The following TTBK2 variants were observed in gnomAD, a reference collection of about 807,000 sequenced individuals.
TTBK2 encodes the protein tau-tubulin kinase 2.
In TTBK2, 28 loss-of-function variants were observed where a neutral mutation model predicts 110.8. That is an observed-to-expected ratio of 0.25 (90% confidence interval 0.19 to 0.35). The LOEUF (loss-of-function observed/expected upper bound fraction) is 0.35. Among genes scored for constraint, TTBK2 ranks in the 10% least tolerant of loss-of-function variants. TTBK2 has a pLI of 1.00. For synonymous variants in TTBK2, 532 were observed against 527.3 expected (o/e 1.01, Z -0.12); for missense variants, 1,369 against 1,500.3 (o/e 0.91, Z 1.45).
At chr15:42,858,570 A>C (rs1894033638) in intron 3 of TTBK2, among the ~76,000 whole-genome samples, 1 of 152,200 alleles carries the variant, frequency 6.6e-6, no homozygotes, top group Non-Finnish European at 1.5e-5. Flanking sequence ...CAGTTCCACA[A>C]GTGAGGAACA....
At chr15:42,786,777 A>G (rs1047131642) in intron 10 of TTBK2, among the ~76,000 whole-genome samples, 15 of 150,360 alleles carry the variant, frequency 1.0e-4, no homozygotes, top group Non-Finnish European at 1.5e-4. Flanking sequence ...CTCCCTCTGC[A>G]TTTATTCTCC....
chr15:42,911,977 C>T (rs2030781369), intron 1 of TTBK2, among the ~76,000 whole-genome samples: 1 of 152,120 alleles, frequency 6.6e-6, no homozygotes, highest in Non-Finnish European at 1.5e-5. Context: ...CACACACACA[C>T]ACACACACAA....
intron 3 of TTBK2, among the ~76,000 whole-genome samples, chr15:42,868,032 C>G (rs1190736273): frequency 1.3e-5 from 2 of 151,912 alleles, no homozygotes; most frequent in East Asian, 3.9e-4. Context: ...GTGAAAGAAG[C>G]CAATAGTGTA....
intron 3 of TTBK2, among the ~76,000 whole-genome samples, chr15:42,867,746 G>T (rs1446648406): frequency 6.6e-6 from 1 of 152,180 alleles, no homozygotes; most frequent in African/African-American, 2.4e-5. Flanking sequence ...AACGCAAAAT[G>T]ATACAGCCAC....
chr15:42,807,882 G>T lies in TTBK2; in HGVS notation c.822+2732C>A, dbSNP rs16957182. 4.5e-3 allele frequency among the ~76,000 whole-genome samples: 685 copies of T among 152,094 alleles called. 8 individuals are homozygous for T. The highest frequency in any genetic ancestry group is 0.016 in the African/African-American group (659 of 41,482). On this transcript the variant is annotated intron_variant, in intron 9 of 14. Coordinates refer to ENST00000267890, the MANE Select transcript of TTBK2 (RefSeq NM_173500.4). ...AAAACATTATTTATGCACTTATAGG[G>T]TTAATTTTTCTTGTATTCTCTGTGT...
At chr15:42,747,656 G>A (rs1403315181) in intron 14 of TTBK2, among the ~76,000 whole-genome samples, 1 of 152,220 alleles carries the variant, frequency 6.6e-6, no homozygotes, top group Non-Finnish European at 1.5e-5. Flanking sequence ...AATGCCTCCT[G>A]CCGTGCAGCC....
chr15:42,789,512 T>A (rs1890554151), intron 10 of TTBK2, among the ~76,000 whole-genome samples: 1 of 152,072 alleles, frequency 6.6e-6, no homozygotes. Context: ...GGCAGGTGGA[T>A]CACCTGAGGT....
chr15:42,920,390 G>C (rs561002851), intron 1 of TTBK2, 48 bp downstream of exon 1: 1 of 152,604 alleles, frequency 6.6e-6, no homozygotes, highest in South Asian at 2.1e-4. Flanking sequence ...GGAGGGGGTC[G>C]AGACTGGGGG....
At chr15:42,778,029 AAGAG>A (rs1166984814) in intron 11 of TTBK2, among the ~76,000 whole-genome samples, 4 of 152,138 alleles carry the variant, frequency 2.6e-5, no homozygotes, top group African/African-American at 4.8e-5. Context: ...CAAAAAAAAA[AAGAG>A]AGAGAATCAA....
rs566648466 is a variant in TTBK2 at position 42,899,885 on chromosome 15, A to C, written c.-68+20553T>G. The stretch of plus-strand genomic sequence containing the variant: ...CCACTGCACTCCAGCCTGGGCAACA[A>C]GAGCGAAACTCCATCTCAAGAAAAA... On this transcript the variant is annotated intron_variant, in intron 1 of 14. Transcript: ENST00000267890. Among the ~76,000 whole-genome samples, 19 of 151,672 alleles carry C rather than the reference A, an allele frequency of 1.3e-4. No individual in the cohort carries two copies. In the East Asian group the frequency reaches 3.5e-3, roughly 28 times the overall value.
In TTBK2 at chr15:42,848,593, C is replaced by T. The variant is rs181029270; in HGVS notation, c.218-8160G>A. 5.8e-3 allele frequency among the ~76,000 whole-genome samples: 874 copies of T among 151,956 alleles called. 4 individuals are homozygous for T. The highest frequency in any genetic ancestry group is 9.5e-3 in the Non-Finnish European group (645 of 67,970). On this transcript the variant is annotated intron_variant, in intron 3 of 14. Transcript: ENST00000267890. ...GCAACCTCCACCTCCCGGGTTAAAG[C>T]GATTATCCTGCCTCAGCCTCCCAGG...
intron 1 of TTBK2, among the ~76,000 whole-genome samples, chr15:42,892,527 C>T (rs1895498882): frequency 6.6e-6 from 1 of 150,912 alleles, no homozygotes; most frequent in Non-Finnish European, 1.5e-5. Flanking sequence ...AGCAACATGG[C>T]AAGACACTGT....
intron 1 of TTBK2, among the ~76,000 whole-genome samples, chr15:42,907,303 T>C (rs147767259): frequency 1.3e-5 from 2 of 152,290 alleles, no homozygotes; most frequent in African/African-American, 2.4e-5. Context: ...AGAACTTCCA[T>C]ATTATCCAGC....
chr15:42,900,694 C>T (rs2029940241), intron 1 of TTBK2, among the ~76,000 whole-genome samples: 1 of 151,952 alleles, frequency 6.6e-6, no homozygotes, highest in African/African-American at 2.4e-5. Flanking sequence ...CACAGCACTC[C>T]ATGGGAAACA....
At chr15:42,797,793 G>A (rs762830518) in intron 9 of TTBK2, among the ~76,000 whole-genome samples, 8 of 152,138 alleles carry the variant, frequency 5.3e-5, no homozygotes, top group Non-Finnish European at 1.2e-4. Flanking sequence ...TATATGTAGT[G>A]TGTGAATACA....
chr15:42,744,672 A>G lies in TTBK2; in HGVS notation c.*1123T>C, dbSNP rs1231356960. On this transcript the variant is annotated 3_prime_UTR_variant, in exon 15 of 15. Coordinates refer to ENST00000267890, the MANE Select transcript of TTBK2 (RefSeq NM_173500.4). ...ACACAGGAGAAGCAGGTAATAAAAC[A>G]TTAAAAAAGAAATATTTGCCTAAAT... 6.6e-6 allele frequency: 1 copy of G among 152,234 alleles called. No homozygotes were observed. The highest frequency in any genetic ancestry group is 1.9e-4 in the East Asian group (1 of 5,206). The allele number at this position is 152,234 out of a possible 1,614,324, so 9.4% of individuals were successfully genotyped here. A position where few individuals can be genotyped will look rare whatever the true frequency, so the allele number is the denominator to read the frequency against.
chr15:42,887,827 G>A (rs1193813785), intron 1 of TTBK2, among the ~76,000 whole-genome samples: 1 of 151,948 alleles, frequency 6.6e-6, no homozygotes, highest in Non-Finnish European at 1.5e-5. Context: ...AATTACCTGG[G>A]CTGTACTGCC....
chr15:42,810,561 G>A (rs1595935607), intron 9 of TTBK2, 53 bp downstream of exon 9: 2 of 1,608,242 alleles, frequency 1.2e-6, no homozygotes, highest in East Asian at 4.5e-5. Flanking sequence ...ATGAGTGAAA[G>A]CATAGACTAA....
intron 9 of TTBK2, among the ~76,000 whole-genome samples, chr15:42,810,286 T>C (rs1170656924): frequency 6.6e-6 from 1 of 152,192 alleles, no homozygotes; most frequent in African/African-American, 2.4e-5. Context: ...TTCCTTCTGG[T>C]CAACAAATTA....
Sources: gnomAD v4.1 joint callset for allele counts (sites outside exome capture counted in the v4.1 genomes callset) on GRCh38, gnomAD v4.1.1 for gene constraint, MANE v1.5 for transcripts, NCBI Gene and HGNC (gene_info 2026-07-23, HGNC 2026-07-21) for gene names.